The following EPHA5 variants were observed in gnomAD, a reference collection of about 807,000 sequenced individuals.
The protein encoded by EPHA5 is ephrin type-A receptor 5.
A neutral mutation model predicts 105.0 loss-of-function variants in EPHA5; 60 were observed. The observed-to-expected ratio is 0.57, with a 90% CI of 0.46 to 0.71. The LOEUF (loss-of-function observed/expected upper bound fraction) is 0.71, where lower values mean the gene tolerates loss of function less well. Among genes scored for constraint, EPHA5 ranks in the 30% least tolerant of loss-of-function variants. The pLI, the probability that EPHA5 is intolerant of heterozygous loss-of-function variation, is 0.00. For synonymous variants in EPHA5, 513 were observed against 449.1 expected, an observed-to-expected ratio of 1.14 and a Z score of -1.80; for missense variants, 1,218 against 1,274.7, an observed-to-expected ratio of 0.96 and a Z score of 0.68.
chr4:65,570,433 GT>G (rs76276250), intron 3 of EPHA5, among the ~76,000 whole-genome samples: 46,631 of 146,976 alleles, frequency 0.32, 7,720 homozygotes, highest in East Asian at 0.56. Context: ...GATGGCCTTG[GT>G]TTTTTTTTTT....
At chr4:65,481,141 T>C (rs11937738) in intron 5 of EPHA5, among the ~76,000 whole-genome samples, 42,765 of 151,988 alleles carry the variant, frequency 0.28, 6,290 homozygotes, top group Middle Eastern at 0.38. Context: ...ACAAAGATCG[T>C]CTGTGTCTAA....
intron 8 of EPHA5, among the ~76,000 whole-genome samples, chr4:65,396,642 C>T (rs928439350): frequency 2.0e-5 from 3 of 152,156 alleles, no homozygotes; most frequent in Non-Finnish European, 2.9e-5. Context: ...AGGACTAGGA[C>T]TAAGCCTTTC....
At chr4:65,332,405 T>G (rs747187458) in intron 15 of EPHA5, among the ~76,000 whole-genome samples, 3 of 151,782 alleles carry the variant, frequency 2.0e-5, no homozygotes, top group Non-Finnish European at 4.4e-5. Flanking sequence ...GCTAAAAATT[T>G]TATTGAGTAC....
At chr4:65,342,636 T>G (rs1259882013) in intron 14 of EPHA5, among the ~76,000 whole-genome samples, 1 of 151,606 alleles carries the variant, frequency 6.6e-6, no homozygotes, top group Non-Finnish European at 1.5e-5. Flanking sequence ...GCAATATACA[T>G]AAACATATAA....
At chr4:65,646,281 T>C (rs1000992971) in intron 1 of EPHA5, among the ~76,000 whole-genome samples, 3 of 152,158 alleles carry the variant, frequency 2.0e-5, no homozygotes, top group African/African-American at 4.8e-5. Context: ...AAGAACACCA[T>C]GTTTGACTCA....
At chr4:65,393,843 GT>G (rs1471565870) in intron 8 of EPHA5, among the ~76,000 whole-genome samples, 1 of 152,108 alleles carries the variant, frequency 6.6e-6, no homozygotes, top group Non-Finnish European at 1.5e-5. Context: ...TGGAAAGGTA[GT>G]TTGAAGCACA....
chr4:65,449,946 C>G (rs1209428231), intron 5 of EPHA5, among the ~76,000 whole-genome samples: 1 of 152,024 alleles, frequency 6.6e-6, no homozygotes, highest in African/African-American at 2.4e-5. Context: ...GATTTCCAGT[C>G]TTCAGAATCA....
intron 3 of EPHA5, chr4:65,573,616 G>A: frequency 3.8e-6 from 6 of 1,599,880 alleles, no homozygotes; most frequent in Non-Finnish European, 5.1e-6. Context: ...CTTGTCAGAG[G>A]AATTGGCAGG....
intron 5 of EPHA5, among the ~76,000 whole-genome samples, chr4:65,476,244 A>C (rs1034518187): frequency 6.6e-6 from 1 of 152,062 alleles, no homozygotes; most frequent in Non-Finnish European, 1.5e-5. Context: ...GCATTGTAAC[A>C]AACAGACAGG....
chr4:65,373,221 C>G (rs1198351959), intron 8 of EPHA5, among the ~76,000 whole-genome samples: 1 of 151,748 alleles, frequency 6.6e-6, no homozygotes, highest in Non-Finnish European at 1.5e-5. Context: ...TAGTTTGGAG[C>G]AGTTCGTGAT....
intron 3 of EPHA5, among the ~76,000 whole-genome samples, chr4:65,504,757 A>T (rs990855369): frequency 3.9e-5 from 6 of 151,956 alleles, no homozygotes; most frequent in African/African-American, 1.4e-4. Context: ...ACCTCCACTG[A>T]AATAAAAGCC....
intron 16 of EPHA5, 92 bp from the exon 17 acceptor site, chr4:65,324,311 C>T: frequency 1.3e-6 from 1 of 792,604 alleles, no homozygotes; most frequent in Non-Finnish European, 2.1e-6. Flanking sequence ...ATAGTGCAGA[C>T]ACTAGTTAGA....
At chr4:65,516,415 G>T (rs1011686221) in intron 3 of EPHA5, among the ~76,000 whole-genome samples, 1 of 143,152 alleles carries the variant, frequency 7.0e-6, no homozygotes, top group Admixed American at 6.9e-5. Flanking sequence ...AGGCTGAGAA[G>T]GATGAAGAGG....
intron 3 of EPHA5, among the ~76,000 whole-genome samples, chr4:65,593,235 TA>T (rs1231016673): frequency 6.6e-6 from 1 of 152,166 alleles, no homozygotes; most frequent in Admixed American, 6.5e-5. Context: ...ATATGTATGA[TA>T]AAAGTATATT....
intron 3 of EPHA5, among the ~76,000 whole-genome samples, chr4:65,585,073 T>C (rs1446530227): frequency 1.3e-5 from 2 of 151,724 alleles, no homozygotes; most frequent in South Asian, 4.1e-4. Flanking sequence ...TACATCTCTG[T>C]TTTTCACTAC....
At chr4:65,365,780 G>A in intron 10 of EPHA5, 152 bp downstream of exon 10, 1 of 655,230 alleles carries the variant, frequency 1.5e-6, no homozygotes, top group Non-Finnish European at 2.3e-6. Flanking sequence ...TTACACTGAA[G>A]GTTGTATTAA....
Position 65,495,461 on chromosome 4 carries a change from T to G in EPHA5, c.993A>C (p.Glu331Asp). ...KCPPHSYTHE[E>D]ASTSCVCEKD... ...TTTCACAGACACAAGAGGTTGAAGC[T>G]TCCTCATGGGTATAACTGTGAGGTG... The change falls in exon 4 of 17, where the codon GAA (glutamate) becomes GAC (aspartate). Residue 331 changes from glutamate to aspartate, a missense_variant. This residue lies in a region of EPHA5 where 971 missense variants were observed against 1,013.5 expected (regional missense o/e 0.96). Coordinates refer to ENST00000613740, the MANE Select transcript of EPHA5 (RefSeq NM_001281766.3). The G allele has an allele frequency of 6.2e-7, 1 of 1,613,888 alleles. No homozygotes were observed. Among genetic ancestry groups the G allele is most frequent in the Non-Finnish European group, 8.5e-7 (1 of 1,179,842 alleles).
At chr4:65,528,810 T>C (rs1735486750) in intron 3 of EPHA5, among the ~76,000 whole-genome samples, 1 of 152,150 alleles carries the variant, frequency 6.6e-6, no homozygotes, top group South Asian at 2.1e-4. Context: ...TCTTTCCCCG[T>C]TCCATAACCA....
intron 2 of EPHA5, among the ~76,000 whole-genome samples, chr4:65,613,738 T>G (rs2149463203): frequency 6.6e-6 from 1 of 152,192 alleles, no homozygotes; most frequent in Non-Finnish European, 1.5e-5. Context: ...AAAAGCATAC[T>G]TTTGAATAAA....
Sources: gnomAD v4.1 joint callset for allele counts (sites outside exome capture counted in the v4.1 genomes callset) on GRCh38, gnomAD v4.1.1 for gene constraint, gnomAD v4.1.1 regional missense constraint, MANE v1.5 for transcripts, NCBI Gene and HGNC (gene_info 2026-07-23, HGNC 2026-07-21) for gene names.